NBAS: variants seen among roughly 807,000 people sequenced by gnomAD.
The protein encoded by NBAS is NBAS subunit of NRZ tethering complex, also known as NAG/BC035112 fusion.
Under a neutral mutation model 302.5 loss-of-function variants are expected in NBAS, and 219 were observed. The ratio of observed to expected loss-of-function variants is 0.72; its 90% CI spans 0.65 to 0.81. The LOEUF is 0.81. Ranked by LOEUF, NBAS falls within the 30% of genes least tolerant of loss-of-function variation. The pLI, the probability that NBAS is intolerant of heterozygous loss-of-function variation, is 0.00. For missense variants in NBAS, 2,932 were observed against 2,841.6 expected, an observed-to-expected ratio of 1.03 and a Z score of -0.72; for synonymous variants, 1,118 against 1,021.6, an observed-to-expected ratio of 1.09 and a Z score of -1.80.
the NBAS span, among the ~76,000 whole-genome samples, chr2:14,878,075 A>C: frequency 6.6e-6 from 1 of 152,204 alleles, no homozygotes; most frequent in Admixed American, 6.5e-5. Flanking sequence ...ACTATTGTTC[A>C]ACTACAGCGT....
chr2:15,435,874 A>G (rs1321300567), intron 21 of NBAS, among the ~76,000 whole-genome samples: 4 of 152,152 alleles, frequency 2.6e-5, no homozygotes, highest in African/African-American at 9.7e-5. Flanking sequence ...CTAAAAGTAA[A>G]TATTCTCTGA....
rs1249084406 is a variant in NBAS at position 15,458,719 on chromosome 2, T to C, written c.2339+2482A>G. On this transcript the variant is annotated intron_variant, in intron 21 of 51. Transcript: ENST00000281513. ...TTTCTCTGTGGCAACACAAACAGAC[T>C]AATACAAACCTAAATTATGAAAGGA... is the stretch of plus-strand genomic sequence containing the variant. Among the ~76,000 whole-genome samples the C allele has an allele frequency of 2.0e-5, 3 of 152,148 alleles. No individual in the cohort carries two copies. In the East Asian group the frequency reaches 5.8e-4, roughly 29 times the overall value.
At chr2:14,795,387 T>C in the NBAS span, among the ~76,000 whole-genome samples, 1 of 152,188 alleles carries the variant, frequency 6.6e-6, no homozygotes, top group East Asian at 1.9e-4. Context: ...GCTACCTATA[T>C]GCCTTCTTTG....
At chr2:15,299,332 G>A (rs1427957163) in intron 40 of NBAS, among the ~76,000 whole-genome samples, 2 of 152,124 alleles carry the variant, frequency 1.3e-5, no homozygotes, top group Non-Finnish European at 2.9e-5. Context: ...AAAGAATATG[G>A]TCAAATCCCC....
chr2:14,843,501 G>A, the NBAS span, among the ~76,000 whole-genome samples: 4 of 151,260 alleles, frequency 2.6e-5, no homozygotes, highest in Non-Finnish European at 5.9e-5. Flanking sequence ...CAAATATGAG[G>A]CTCCACTGAT....
At chr2:15,522,381 T>C (rs1558409490) in intron 9 of NBAS, among the ~76,000 whole-genome samples, 1 of 152,132 alleles carries the variant, frequency 6.6e-6, no homozygotes, top group Non-Finnish European at 1.5e-5. Context: ...GGAAATATTA[T>C]ACATCAAGAT....
intron 6 of NBAS, among the ~76,000 whole-genome samples, chr2:15,542,968 T>C (rs1470671442): frequency 6.6e-6 from 1 of 152,234 alleles, no homozygotes; most frequent in Non-Finnish European, 1.5e-5. Context: ...CATTACAAGG[T>C]AAGATTTCAT....
intron 11 of NBAS, among the ~76,000 whole-genome samples, chr2:15,495,678 C>A (rs950232863): frequency 1.3e-5 from 2 of 152,110 alleles, no homozygotes; most frequent in Non-Finnish European, 2.9e-5. Flanking sequence ...AGGTAGCTGG[C>A]AGAGTCCTGT....
At chr2:14,891,178 G>A in the NBAS span, among the ~76,000 whole-genome samples, 72 of 152,150 alleles carry the variant, frequency 4.7e-4, 2 homozygotes, top group Admixed American at 2.0e-4. Flanking sequence ...AGTACCAGCC[G>A]GTGGGCAGAC....
the NBAS span, among the ~76,000 whole-genome samples, chr2:14,843,677 A>C: frequency 6.6e-6 from 1 of 152,094 alleles, no homozygotes; most frequent in Non-Finnish European, 1.5e-5. Flanking sequence ...GAGGGTAGGA[A>C]AGACAGTCTT....
chr2:15,129,696 T>G, the NBAS span, among the ~76,000 whole-genome samples: 2 of 152,224 alleles, frequency 1.3e-5, no homozygotes, highest in African/African-American at 4.8e-5. Flanking sequence ...TCTCAGAACC[T>G]GGCTCAGTTC....
chr2:14,797,767 G>A, the NBAS span, among the ~76,000 whole-genome samples: 2 of 152,112 alleles, frequency 1.3e-5, no homozygotes, highest in African/African-American at 4.8e-5. Flanking sequence ...GGGATGAGTG[G>A]GCAGAGAAAT....
chr2:15,335,253 T>C (rs1318052010), intron 35 of NBAS, among the ~76,000 whole-genome samples: 2 of 152,116 alleles, frequency 1.3e-5, no homozygotes, highest in South Asian at 2.1e-4. Context: ...CCAGAACTTA[T>C]TTATATTTTC....
At chr2:15,167,402 G>T (rs944685444) in intron 51 of NBAS, 79 bp from the exon 52 acceptor site, 2 of 1,544,582 alleles carry the variant, frequency 1.3e-6, no homozygotes, top group African/African-American at 2.7e-5. Context: ...GCTCTCCACT[G>T]GGCTGCCTTC....
intron 51 of NBAS, among the ~76,000 whole-genome samples, chr2:15,172,269 A>G (rs1664332842): frequency 6.6e-6 from 1 of 152,232 alleles, no homozygotes; most frequent in African/African-American, 2.4e-5. Flanking sequence ...ATTTTTCCAT[A>G]AATTTCCTAT....
At chr2:15,119,311 T>C in the NBAS span, among the ~76,000 whole-genome samples, 1 of 111,716 alleles carries the variant, frequency 9.0e-6, no homozygotes, top group Admixed American at 7.8e-5. Flanking sequence ...TTCTTTTTTT[T>C]TTTTTTTTTT....
chr2:15,523,796 C>T (rs773631039), intron 9 of NBAS, among the ~76,000 whole-genome samples: 1 of 152,092 alleles, frequency 6.6e-6, no homozygotes, highest in Admixed American at 6.5e-5. Flanking sequence ...CACCTGTAAT[C>T]CCAGCAACTC....
the NBAS span, among the ~76,000 whole-genome samples, chr2:15,056,822 C>CTTTTTTTT: frequency 7.2e-6 from 1 of 138,254 alleles, no homozygotes. Flanking sequence ...TTTCCCTTTT[C>CTTTTTTTT]TTTTTTTTTT....
the NBAS span, among the ~76,000 whole-genome samples, chr2:15,111,722 A>G: frequency 6.6e-6 from 1 of 151,886 alleles, no homozygotes; most frequent in African/African-American, 2.4e-5. Context: ...ACAATAAAGA[A>G]AAAGAAAAAA....
Sources: allele counts gnomAD v4.1 joint callset (sites outside exome capture counted in the v4.1 genomes callset), GRCh38; gene constraint gnomAD v4.1.1; transcripts MANE v1.5; gene names NCBI Gene and HGNC (gene_info 2026-07-23, HGNC 2026-07-21).